The following RPTOR variants were observed in gnomAD, a reference collection of about 807,000 sequenced individuals.
RPTOR encodes the protein regulatory associated protein of MTOR complex 1, also known as regulatory-associated protein of mTOR.
Under a neutral mutation model 169.9 loss-of-function variants are expected in RPTOR, and 21 were observed. The ratio of observed to expected loss-of-function variants is 0.12; its 90% CI spans 0.09 to 0.18. The LOEUF (loss-of-function observed/expected upper bound fraction) is 0.18, where lower values mean the gene tolerates loss of function less well. Ranked by LOEUF, RPTOR falls within the 10% of genes least tolerant of loss-of-function variation. RPTOR has a pLI of 1.00. For missense variants in RPTOR, 1,133 were observed against 1,855.9 expected, an observed-to-expected ratio of 0.61 and a Z score of 7.16; for synonymous variants, 732 against 753.2, an observed-to-expected ratio of 0.97 and a Z score of 0.46.
chr17:80,596,101 G>A (rs1028507932), intron 1 of RPTOR, among the ~76,000 whole-genome samples: 1 of 152,158 alleles, frequency 6.6e-6, no homozygotes, highest in East Asian at 1.9e-4. Flanking sequence ...GGAAAACATG[G>A]TCCTCCAGAA....
chr17:80,661,175 G>T (rs1422174341), intron 3 of RPTOR, among the ~76,000 whole-genome samples: 1 of 152,206 alleles, frequency 6.6e-6, no homozygotes, highest in South Asian at 2.1e-4. Flanking sequence ...GTTGAGTTAG[G>T]GTGTAAGCGT....
chr17:80,808,586 C>T (rs964436647), intron 7 of RPTOR, among the ~76,000 whole-genome samples: 11 of 152,220 alleles, frequency 7.2e-5, no homozygotes, highest in African/African-American at 2.4e-4. Flanking sequence ...AGCTGTACAA[C>T]TGATGAGTTT....
chr17:80,599,774 GCACGC>G lies in RPTOR; in HGVS notation c.163-25916_163-25912del, dbSNP rs905763133. ...GAAGGAAAGGAGGGAACGTGTCATT[GCACGC>G]TGGAGGAAAGGGGCCCCTTGTTAGG... On this transcript the variant is annotated intron_variant, in intron 1 of 33. Transcript: ENST00000306801. 7.0e-4 allele frequency among the ~76,000 whole-genome samples: 106 copies of G among 152,312 alleles called. No homozygotes were observed. In the Middle Eastern group the frequency reaches 0.017, roughly 24 times the overall value.
At chr17:80,634,291 T>C (rs2065470186) in intron 2 of RPTOR, among the ~76,000 whole-genome samples, 1 of 140,806 alleles carries the variant, frequency 7.1e-6, no homozygotes, top group African/African-American at 2.8e-5. Context: ...TGTGTGTGCG[T>C]ACTGTGTGTG....
At chr17:80,704,047 C>T (rs2066123362) in intron 3 of RPTOR, among the ~76,000 whole-genome samples, 1 of 152,152 alleles carries the variant, frequency 6.6e-6, no homozygotes, top group South Asian at 2.1e-4. Flanking sequence ...TGTGGAGAGA[C>T]ATGGGCGAGA....
At chr17:80,918,441 C>CGGGGGT (rs1293007392) in intron 21 of RPTOR, among the ~76,000 whole-genome samples, 1 of 123,314 alleles carries the variant, frequency 8.1e-6, no homozygotes, top group African/African-American at 3.3e-5. Flanking sequence ...AGCACCCTCG[C>CGGGGGT]CGGAGTCATA....
At chr17:80,896,800 G>A (rs77183052) in intron 20 of RPTOR, among the ~76,000 whole-genome samples, 7,190 of 152,288 alleles carry the variant, frequency 0.047, 337 homozygotes, top group African/African-American at 0.11. Flanking sequence ...TGCATCATGA[G>A]TCTTCCTGCT....
intron 11 of RPTOR, among the ~76,000 whole-genome samples, chr17:80,847,261 C>T (rs898488894): frequency 6.6e-6 from 1 of 152,254 alleles, no homozygotes; most frequent in Non-Finnish European, 1.5e-5. Flanking sequence ...AGACCATGAC[C>T]TGTTCATGGG....
At position 80,665,426 on chromosome 17, in the gene RPTOR, TCC is replaced by T. The variant is rs1567846264; in HGVS notation, c.348+21617_348+21618del. 6.3e-3 allele frequency among the ~76,000 whole-genome samples: 84 copies of T among 13,436 alleles called. 7 individuals carry two copies. The highest frequency in any genetic ancestry group is 0.041 in the African/African-American group (54 of 1,302). The allele number at this position is 13,436 out of a possible 152,430, so 8.8% of individuals were successfully genotyped here. ...TCCTTTCCTTTCCTTTCCTTTCCTT[TCC>T]TTTCCTTTCCTTTCCTTTCCTTTCC... On this transcript the variant is annotated intron_variant, in intron 3 of 33. Transcript: ENST00000306801.
chr17:80,770,526 C>CA (rs2066832246), intron 6 of RPTOR, among the ~76,000 whole-genome samples: 1 of 152,166 alleles, frequency 6.6e-6, no homozygotes, highest in Admixed American at 6.5e-5. Flanking sequence ...TAGAACTGGG[C>CA]ATGGCGGTGG....
At chr17:80,668,025 A>G (rs1204926218) in intron 3 of RPTOR, among the ~76,000 whole-genome samples, 4 of 152,194 alleles carry the variant, frequency 2.6e-5, no homozygotes, top group Non-Finnish European at 4.4e-5. Flanking sequence ...AACAGATGAC[A>G]TGGAAGCTGC....
chr17:80,893,008 T>C (rs2068345785), intron 19 of RPTOR, 139 bp downstream of exon 19: 4 of 1,060,980 alleles, frequency 3.8e-6, no homozygotes, highest in Non-Finnish European at 5.4e-6. Flanking sequence ...GCCAACATGG[T>C]GATGAGTCAC....
At chr17:80,727,078 G>C (rs143804582) in intron 4 of RPTOR, among the ~76,000 whole-genome samples, 1 of 151,932 alleles carries the variant, frequency 6.6e-6, no homozygotes, top group African/African-American at 2.4e-5. Flanking sequence ...ATCGTGCTCC[G>C]AGAACGTGGA....
intron 1 of RPTOR, among the ~76,000 whole-genome samples, chr17:80,616,670 C>A (rs1373309048): frequency 6.6e-6 from 1 of 152,084 alleles, no homozygotes; most frequent in East Asian, 1.9e-4. Flanking sequence ...TGCCTGTAGT[C>A]TGAGCTACTC....
At chr17:80,935,279 C>T (rs1475879208) in intron 24 of RPTOR, among the ~76,000 whole-genome samples, 2 of 152,082 alleles carry the variant, frequency 1.3e-5, no homozygotes, top group African/African-American at 4.8e-5. Flanking sequence ...TCCAGTTCTC[C>T]CTAAATTGAT....
chr17:80,923,545 A>C lies in RPTOR; in HGVS notation c.2680A>C (p.Lys894Gln), dbSNP rs1323990870. Residue 894 changes from lysine to glutamine, a missense_variant, in exon 23 of 34, where the codon AAG becomes CAG. Physicochemically the swap from Lys to Gln is moderately conservative, Grantham distance 53. Coordinates refer to ENST00000306801, the MANE Select transcript of RPTOR (RefSeq NM_020761.3). ...CTCCAGCCTGACCAACGATGTGGCC[A>C]AGCAGCCGGTCAGCCGAGACTTGCC... is the stretch of plus-strand genomic sequence containing the variant. ...SSSSLTNDVA[K>Q]QPVSRDLPSG... 34 of 1,613,320 alleles carry C rather than the reference A, an allele frequency of 2.1e-5. No homozygotes were observed. Among genetic ancestry groups the C allele is most frequent in the Non-Finnish European group, 2.8e-5 (33 of 1,179,982 alleles).
intron 6 of RPTOR, among the ~76,000 whole-genome samples, chr17:80,755,557 C>A (rs976804369): frequency 6.6e-6 from 1 of 151,862 alleles, no homozygotes; most frequent in South Asian, 2.1e-4. Context: ...GCCAACATGG[C>A]GAAACCCTGT....
chr17:80,835,494 T>C (rs1434425880), intron 9 of RPTOR, among the ~76,000 whole-genome samples: 2 of 151,918 alleles, frequency 1.3e-5, no homozygotes, highest in African/African-American at 2.4e-5. Context: ...AAAGGGAGAG[T>C]AGGGCTGAAG....
chr17:80,951,583 A>G (rs4969315), intron 28 of RPTOR, among the ~76,000 whole-genome samples: 51,115 of 152,164 alleles, frequency 0.34, 9,910 homozygotes, highest in East Asian at 0.56. Flanking sequence ...TGCACAGGAC[A>G]TGGGAAACCT....
Sources: gnomAD v4.1 joint callset for allele counts (sites outside exome capture counted in the v4.1 genomes callset) on GRCh38, gnomAD v4.1.1 for gene constraint, MANE v1.5 for transcripts, NCBI Gene and HGNC (gene_info 2026-07-23, HGNC 2026-07-21) for gene names.